RIMS1: variants seen among roughly 807,000 people sequenced by gnomAD.
RIMS1 encodes the protein regulating synaptic membrane exocytosis protein 1.
In RIMS1, 83 loss-of-function variants were observed where a neutral mutation model predicts 214.1. That is an observed-to-expected ratio of 0.39 (90% CI 0.32 to 0.47). The LOEUF is 0.47. RIMS1 is among the 20% of genes least tolerant of loss of function. The probability of loss-of-function intolerance (pLI) is 0.99; values close to 1 mark genes in which losing one functional copy is unlikely to be tolerated. For missense variants in RIMS1, 2,050 were observed against 2,161.8 expected, an observed-to-expected ratio of 0.95 and a Z score of 1.03; for synonymous variants, 793 against 786.8, an observed-to-expected ratio of 1.01 and a Z score of -0.13.
At chr6:71,992,506 T>TCCTCCTCCTCCTCTTCCTCCTCC (rs1255310242) in intron 2 of RIMS1, among the ~76,000 whole-genome samples, 1 of 148,668 alleles carries the variant, frequency 6.7e-6, no homozygotes, top group Non-Finnish European at 1.5e-5. Context: ...TTTCTTCTTC[T>TCCTCCTCCTCCTCTTCCTCCTCC]CCTCCTCCTC....
At chr6:72,384,478 G>A (rs1217626771) in intron 29 of RIMS1, among the ~76,000 whole-genome samples, 1 of 152,028 alleles carries the variant, frequency 6.6e-6, no homozygotes, top group Non-Finnish European at 1.5e-5. Context: ...CTCTTAAGTA[G>A]TAATCAACAT....
At chr6:72,057,427 G>A (rs1826502492) in intron 2 of RIMS1, among the ~76,000 whole-genome samples, 1 of 151,636 alleles carries the variant, frequency 6.6e-6, no homozygotes, top group Non-Finnish European at 1.5e-5. Context: ...ACTGTATGGG[G>A]ATAACCTTCT....
intron 2 of RIMS1, among the ~76,000 whole-genome samples, chr6:71,999,482 A>C (rs985346943): frequency 2.0e-5 from 3 of 152,124 alleles, no homozygotes; most frequent in Non-Finnish European, 4.4e-5. Context: ...TGTTCTACAA[A>C]TTATGTATTT....
At chr6:72,198,590 A>C (rs975336761) in intron 6 of RIMS1, among the ~76,000 whole-genome samples, 116 of 152,142 alleles carry the variant, frequency 7.6e-4, no homozygotes, top group African/African-American at 2.6e-3. Context: ...AATGTTTGAT[A>C]GTAGAGTAAG....
At chr6:72,338,817 G>A (rs1254753308) in intron 29 of RIMS1, among the ~76,000 whole-genome samples, 1 of 150,152 alleles carries the variant, frequency 6.7e-6, no homozygotes, top group Non-Finnish European at 1.5e-5. Context: ...CAGGCTACCT[G>A]GTGCCAAACC....
At chr6:72,346,189 A>G (rs983517957) in intron 29 of RIMS1, among the ~76,000 whole-genome samples, 4 of 151,810 alleles carry the variant, frequency 2.6e-5, no homozygotes, top group Middle Eastern at 3.2e-3. Context: ...GGGATCAGTA[A>G]TAATAATTAG....
At chr6:72,091,693 G>T (rs923258045) in intron 2 of RIMS1, among the ~76,000 whole-genome samples, 32 of 151,756 alleles carry the variant, frequency 2.1e-4, no homozygotes, top group Non-Finnish European at 1.6e-4. Context: ...ATTATATAGT[G>T]AAACAATGAA....
rs533976377 is a variant in RIMS1 at position 72,090,656 on chromosome 6, C to T, written c.246-6293C>T. On this transcript the variant is annotated intron_variant, in intron 2 of 33. Transcript: ENST00000521978. ...GTTTTTTAACTGTAAAACTATATGA[C>T]TTACTGTCCTTCTTTGACACTGGTA... 7.5e-4 allele frequency among the ~76,000 whole-genome samples: 114 copies of T among 152,258 alleles called. 1 individual carries two copies. The highest frequency in any genetic ancestry group is 1.9e-4 in the Non-Finnish European group (13 of 68,028).
At chr6:72,070,357 A>T (rs991006410) in intron 2 of RIMS1, among the ~76,000 whole-genome samples, 2 of 152,146 alleles carry the variant, frequency 1.3e-5, no homozygotes, top group Admixed American at 6.5e-5. Flanking sequence ...TTGATTTCTG[A>T]TTATGAATAA....
Position 72,350,404 on chromosome 6 carries a change from GTC to G in RIMS1, c.4366+16572_4366+16573del, listed in dbSNP as rs377011236. ...GGCTCTGTAATAAGTGAGTTCTGTT[GTC>G]TCCTTTCTGCTGATGGCACTGGAGG... On this transcript the variant is annotated intron_variant, in intron 29 of 33. Transcript: ENST00000521978. Among the ~76,000 whole-genome samples the G allele has an allele frequency of 1.6e-4, 25 of 152,156 alleles. No individual in the cohort carries two copies. The South Asian group carries it at 3.5e-3, about 21-fold the overall frequency.
In RIMS1 at chr6:72,179,863, C is replaced by A. The variant is rs2153967354; in HGVS notation, c.760C>A (p.Pro254Thr). 6.3e-7 allele frequency: 1 copy of A among 1,594,304 alleles called. No homozygotes were observed. ...TGAGCCCTCGCAGCAAGCCTTGGGG[C>A]CTGAACAGAAGCAGGCTTCATCCAG... ...GAEPSQQALG[P>T]EQKQASSRSR... Residue 254 changes from proline to threonine, a missense_variant, in exon 5 of 34, where the codon CCT becomes ACT. By Grantham distance (38) the Pro-to-Thr change is conservative. Transcript: ENST00000521978.
intron 6 of RIMS1, among the ~76,000 whole-genome samples, chr6:72,192,923 T>C (rs1017580534): frequency 2.6e-5 from 4 of 152,166 alleles, no homozygotes; most frequent in African/African-American, 9.7e-5. Context: ...TTAATCTCCT[T>C]TGGCAGTACC....
chr6:72,352,577 T>C (rs1033645822), intron 29 of RIMS1, among the ~76,000 whole-genome samples: 1 of 152,192 alleles, frequency 6.6e-6, no homozygotes, highest in Non-Finnish European at 1.5e-5. Context: ...TTCTATTTAT[T>C]GTTAATTTAA....
At chr6:72,297,946 C>G (rs1453681151) in intron 26 of RIMS1, among the ~76,000 whole-genome samples, 1 of 151,936 alleles carries the variant, frequency 6.6e-6, no homozygotes, top group East Asian at 1.9e-4. Flanking sequence ...TTAGAGAATT[C>G]AGGTTATTGT....
intron 27 of RIMS1, 21 bp downstream of exon 27, chr6:72,307,391 CAAAT>C: frequency 2.1e-6 from 3 of 1,434,858 alleles, no homozygotes; most frequent in African/African-American, 1.4e-5. Context: ...TAGTATCCAA[CAAAT>C]AGTTTCCCTT....
intron 2 of RIMS1, among the ~76,000 whole-genome samples, chr6:72,062,845 A>G (rs1211443265): frequency 1.3e-5 from 2 of 151,996 alleles, no homozygotes; most frequent in African/African-American, 4.8e-5. Flanking sequence ...TACAACCGCC[A>G]TCTTCACAAG....
chr6:72,276,322 T>C (rs2086383236), intron 23 of RIMS1, among the ~76,000 whole-genome samples: 1 of 152,220 alleles, frequency 6.6e-6, no homozygotes, highest in Admixed American at 6.5e-5. Flanking sequence ...TGATTGAGTA[T>C]AGGAAAATTA....
rs760384666 is a variant in RIMS1 at position 72,233,818 on chromosome 6, G to T, written c.1724G>T (p.Arg575Leu). The change falls in exon 7 of 34, where the codon CGG becomes CTG. Residue 575 changes from arginine (R) to leucine (L), a missense_variant. Arg to Leu is a moderately radical substitution (Grantham distance 102). Transcript: ENST00000521978. Reference protein sequence around the residue: ...YWLDPATWHSRETSPISSHPV... With the variant: ...YWLDPATWHSLETSPISSHPV... ...TTGGATCCTGCCACGTGGCACAGCC[G>T]GGAGACATCACCTATTAGTTCGGTA... 1 of 1,581,336 alleles carries T rather than the reference G, an allele frequency of 6.3e-7. No individual in the cohort carries two copies.
intron 1 of RIMS1, among the ~76,000 whole-genome samples, chr6:71,915,460 C>G (rs1027214053): frequency 1.1e-4 from 16 of 152,090 alleles, no homozygotes; most frequent in Non-Finnish European, 2.4e-4. Context: ...TCTGATTGTT[C>G]ACATGCCTTC....
Sources: gnomAD v4.1 joint callset for allele counts (sites outside exome capture counted in the v4.1 genomes callset) on GRCh38, gnomAD v4.1.1 for gene constraint, MANE v1.5 for transcripts, NCBI Gene and HGNC (gene_info 2026-07-23, HGNC 2026-07-21) for gene names.